FSTL5: variants seen among roughly 807,000 people sequenced by gnomAD.
FSTL5 encodes follistatin like 5.
FSTL5 carries 62 observed loss-of-function variants against 89.1 expected under a neutral mutation model. The observed-to-expected ratio is 0.70, with a 90% CI of 0.57 to 0.86. FSTL5 has a LOEUF of 0.86. Among genes scored for constraint, FSTL5 ranks in the 40% least tolerant of loss-of-function variants. FSTL5 has a pLI of 0.00. For missense variants in FSTL5, 1,057 were observed against 1,001.6 expected, an observed-to-expected ratio of 1.06 and a Z score of -0.75; for synonymous variants, 383 against 346.2, an observed-to-expected ratio of 1.11 and a Z score of -1.18.
intron 3 of FSTL5, among the ~76,000 whole-genome samples, chr4:161,984,507 T>C (rs1171710826): frequency 6.6e-6 from 1 of 152,150 alleles, no homozygotes; most frequent in Non-Finnish European, 1.5e-5. Flanking sequence ...TTAGAAATAA[T>C]TCCATTCACT....
At chr4:161,554,528 C>T (rs1732323267) in intron 8 of FSTL5, among the ~76,000 whole-genome samples, 1 of 151,680 alleles carries the variant, frequency 6.6e-6, no homozygotes, top group South Asian at 2.1e-4. Context: ...GTTTTGGAAG[C>T]CTGAATTTAG....
intron 1 of FSTL5, among the ~76,000 whole-genome samples, chr4:162,125,768 G>A (rs1331010284): frequency 1.3e-5 from 2 of 151,722 alleles, no homozygotes; most frequent in East Asian, 1.9e-4. Flanking sequence ...GTATAAAGTT[G>A]TTTTTTTACT....
At chr4:161,546,611 T>C (rs180804335) in intron 8 of FSTL5, among the ~76,000 whole-genome samples, 43 of 151,934 alleles carry the variant, frequency 2.8e-4, no homozygotes, top group Admixed American at 1.2e-3. Context: ...AACACGTAAC[T>C]TTAAATAAAA....
intron 3 of FSTL5, among the ~76,000 whole-genome samples, chr4:162,011,882 G>T (rs926625540): frequency 2.0e-5 from 3 of 152,114 alleles, no homozygotes; most frequent in Non-Finnish European, 4.4e-5. Flanking sequence ...TCATTTGAAA[G>T]CCTTCCTAAA....
At chr4:161,991,403 A>G (rs1736108443) in intron 3 of FSTL5, among the ~76,000 whole-genome samples, 1 of 152,160 alleles carries the variant, frequency 6.6e-6, no homozygotes, top group South Asian at 2.1e-4. Context: ...ACTCAGGTCA[A>G]TACTTCTGCT....
At chr4:161,446,847 T>C (rs1227130796) in intron 15 of FSTL5, among the ~76,000 whole-genome samples, 1 of 152,060 alleles carries the variant, frequency 6.6e-6, no homozygotes, top group Non-Finnish European at 1.5e-5. Flanking sequence ...GTGTTTTTAC[T>C]AATGAGGAAA....
chr4:162,088,636 G>T (rs1448208731), intron 2 of FSTL5, among the ~76,000 whole-genome samples: 2 of 152,080 alleles, frequency 1.3e-5, no homozygotes, highest in Non-Finnish European at 2.9e-5. Flanking sequence ...ACTTAAGAGA[G>T]AAGGAAGAAT....
chr4:161,724,587 T>C (rs1170203557), intron 6 of FSTL5, among the ~76,000 whole-genome samples: 1 of 152,240 alleles, frequency 6.6e-6, no homozygotes, highest in East Asian at 1.9e-4. Flanking sequence ...TATGATTTTA[T>C]ATCTTCACGT....
At chr4:161,481,598 A>G (rs116540706) in intron 12 of FSTL5, among the ~76,000 whole-genome samples, 11 of 152,212 alleles carry the variant, frequency 7.2e-5, no homozygotes, top group Non-Finnish European at 1.0e-4. Context: ...GTTAAGAGTC[A>G]TGTAATCTTG....
Position 161,448,912 on chromosome 4 carries a change from TA to T in FSTL5, c.1841+6091del, listed in dbSNP as rs1733054319. ...ACTTCATTGAATTCCTGATTTACCC[TA>T]GGGTATTCAAGTCCAAACCAGTACC... is the stretch of plus-strand genomic sequence containing the variant. On this transcript the variant is annotated intron_variant, in intron 15 of 15. Coordinates refer to ENST00000306100, the MANE Select transcript of FSTL5 (RefSeq NM_020116.5). Among the ~76,000 whole-genome samples, 3 of 152,226 alleles carry T rather than the reference TA, an allele frequency of 2.0e-5. No homozygotes were observed. In the Middle Eastern group the frequency reaches 0.01, roughly 518 times the overall value.
At chr4:161,566,724 C>T (rs979299205) in intron 8 of FSTL5, among the ~76,000 whole-genome samples, 6 of 151,734 alleles carry the variant, frequency 4.0e-5, no homozygotes, top group African/African-American at 9.7e-5. Flanking sequence ...AACATATTTT[C>T]GTATCTCATG....
intron 8 of FSTL5, among the ~76,000 whole-genome samples, chr4:161,574,061 C>T (rs6815985): frequency 0.32 from 47,897 of 151,884 alleles, 8,144 homozygotes; most frequent in Non-Finnish European, 0.38. Flanking sequence ...CAACCTTTTG[C>T]TCTGTTATCA....
At chr4:162,121,514 G>A (rs371211248) in intron 1 of FSTL5, among the ~76,000 whole-genome samples, 1 of 152,104 alleles carries the variant, frequency 6.6e-6, no homozygotes. Flanking sequence ...CTTCAGAACT[G>A]GGGATTATGT....
At chr4:161,577,448 C>T (rs1414019711) in intron 8 of FSTL5, among the ~76,000 whole-genome samples, 1 of 143,544 alleles carries the variant, frequency 7.0e-6, no homozygotes, top group African/African-American at 2.6e-5. Flanking sequence ...GGATGGCAAT[C>T]CCTGAAAGAA....
intron 5 of FSTL5, among the ~76,000 whole-genome samples, chr4:161,761,693 T>C (rs1021733917): frequency 6.6e-6 from 1 of 152,202 alleles, no homozygotes; most frequent in African/African-American, 2.4e-5. Context: ...CTTCACTTGG[T>C]CATGATGATA....
At chr4:161,565,728 G>A (rs990404763) in intron 8 of FSTL5, among the ~76,000 whole-genome samples, 1 of 131,914 alleles carries the variant, frequency 7.6e-6, no homozygotes, top group East Asian at 2.3e-4. Flanking sequence ...TCTTGTGAAC[G>A]TAGTATAACT....
intron 6 of FSTL5, among the ~76,000 whole-genome samples, chr4:161,663,874 C>T (rs1183487200): frequency 1.3e-5 from 2 of 152,230 alleles, no homozygotes; most frequent in Non-Finnish European, 2.9e-5. Flanking sequence ...AAAATCTAGG[C>T]AGAGGTTCCC....
At chr4:161,483,296 G>T (rs532349367) in intron 12 of FSTL5, among the ~76,000 whole-genome samples, 1 of 152,344 alleles carries the variant, frequency 6.6e-6, no homozygotes, top group East Asian at 1.9e-4. Context: ...GGGAACTAAG[G>T]TTGGTGAAAG....
chr4:161,676,908 C>A (rs1274106649), intron 6 of FSTL5, among the ~76,000 whole-genome samples: 1 of 151,864 alleles, frequency 6.6e-6, no homozygotes, highest in Non-Finnish European at 1.5e-5. Flanking sequence ...TTAATTTCAA[C>A]ATTAGACATT....
Sources: gnomAD v4.1 joint callset for allele counts (sites outside exome capture counted in the v4.1 genomes callset) on GRCh38, gnomAD v4.1.1 for gene constraint, MANE v1.5 for transcripts, NCBI Gene and HGNC (gene_info 2026-07-23, HGNC 2026-07-21) for gene names.